Variants in SNTG1 observed in about 807,000 individuals in gnomAD.
The protein encoded by SNTG1 is syntrophin gamma 1, also known as gamma-1-syntrophin.
SNTG1 carries 39 observed loss-of-function variants against 74.7 expected under a neutral mutation model. The ratio of observed to expected loss-of-function variants is 0.52; its 90% CI spans 0.40 to 0.68. The LOEUF is 0.68. Ranked by LOEUF, SNTG1 falls within the 30% of genes least tolerant of loss-of-function variation. The pLI, the probability that SNTG1 is intolerant of heterozygous loss-of-function variation, is 0.00. For synonymous variants in SNTG1, 254 were observed against 217.1 expected (o/e 1.17, Z -1.49); for missense variants, 685 against 609.5 (o/e 1.12, Z -1.30).
chr8:50,366,957 A>T (rs1461572079), intron 2 of SNTG1, among the ~76,000 whole-genome samples: 2 of 148,368 alleles, frequency 1.3e-5, no homozygotes, highest in Non-Finnish European at 3.0e-5. Flanking sequence ...TACTATAAGG[A>T]CGCAAATAGT....
chr8:49,951,378 AT>A (rs1809682190), intron 1 of SNTG1, among the ~76,000 whole-genome samples: 1 of 152,244 alleles, frequency 6.6e-6, no homozygotes, highest in African/African-American at 2.4e-5. Context: ...GACAAATGAA[AT>A]TAGTCCATTT....
chr8:50,312,645 A>T (rs2130761894), intron 2 of SNTG1, among the ~76,000 whole-genome samples: 1 of 149,854 alleles, frequency 6.7e-6, no homozygotes. Flanking sequence ...AAAACAATGA[A>T]AATAGCATAA....
chr8:50,412,280 A>G (rs1429484518), intron 4 of SNTG1, among the ~76,000 whole-genome samples: 1 of 151,756 alleles, frequency 6.6e-6, no homozygotes. Flanking sequence ...TTTATTGACA[A>G]CTCTTTAATA....
chr8:50,050,163 G>A (rs950110420), intron 1 of SNTG1, among the ~76,000 whole-genome samples: 4 of 151,584 alleles, frequency 2.6e-5, no homozygotes, highest in African/African-American at 9.7e-5. Context: ...AGCAAAGGCT[G>A]GCTCTTTGAA....
At chr8:50,166,998 C>T (rs2082637474) in intron 1 of SNTG1, among the ~76,000 whole-genome samples, 1 of 143,186 alleles carries the variant, frequency 7.0e-6, no homozygotes, top group Admixed American at 6.8e-5. Flanking sequence ...TGGAAACCAT[C>T]ATTCTCAGTA....
At chr8:50,288,149 G>A (rs1326858783) in intron 2 of SNTG1, among the ~76,000 whole-genome samples, 1 of 152,108 alleles carries the variant, frequency 6.6e-6, no homozygotes, top group Non-Finnish European at 1.5e-5. Context: ...GGGGAGAATG[G>A]CATTGATTGA....
chr8:50,175,765 T>A (rs2082977765), intron 2 of SNTG1, among the ~76,000 whole-genome samples: 1 of 152,230 alleles, frequency 6.6e-6, no homozygotes, highest in African/African-American at 2.4e-5. Flanking sequence ...TCAAGCCACC[T>A]TCTTCTGACA....
intron 4 of SNTG1, among the ~76,000 whole-genome samples, chr8:50,409,185 C>T (rs1298948655): frequency 6.6e-6 from 1 of 152,174 alleles, no homozygotes. Context: ...TTTAGCACAT[C>T]TGACTCTAAT....
chr8:50,263,338 A>G (rs1399286590), intron 2 of SNTG1, among the ~76,000 whole-genome samples: 1 of 152,224 alleles, frequency 6.6e-6, no homozygotes, highest in East Asian at 1.9e-4. Context: ...ATGATAAGAC[A>G]TATAGAAAGA....
chr8:50,286,095 TC>T (rs1397504401), intron 2 of SNTG1, among the ~76,000 whole-genome samples: 2 of 151,374 alleles, frequency 1.3e-5, no homozygotes, highest in Non-Finnish European at 3.0e-5. Context: ...GTATAACTTC[TC>T]TTTTTCCTAT....
intron 12 of SNTG1, among the ~76,000 whole-genome samples, chr8:50,561,055 T>C (rs892097453): frequency 2.6e-5 from 4 of 152,184 alleles, no homozygotes; most frequent in Non-Finnish European, 4.4e-5. Flanking sequence ...CCAAATCTCA[T>C]CACAAATTGT....
At chr8:50,114,588 C>T (rs1296194988) in intron 1 of SNTG1, among the ~76,000 whole-genome samples, 5 of 152,058 alleles carry the variant, frequency 3.3e-5, no homozygotes, top group African/African-American at 7.2e-5. Flanking sequence ...TGAACAAAGC[C>T]GGGCGCAGTG....
chr8:50,224,838 C>T (rs949342182), intron 2 of SNTG1, among the ~76,000 whole-genome samples: 1 of 152,156 alleles, frequency 6.6e-6, no homozygotes, highest in African/African-American at 2.4e-5. Flanking sequence ...ATATATTGCC[C>T]TGATGTATTT....
intron 2 of SNTG1, among the ~76,000 whole-genome samples, chr8:50,302,590 T>C (rs1235749908): frequency 6.6e-6 from 1 of 152,174 alleles, no homozygotes; most frequent in Non-Finnish European, 1.5e-5. Flanking sequence ...AGTTTATTAA[T>C]GGATTTAATT....
rs184811562 is a variant in SNTG1, at chr8:50,534,655, C to T, written c.550-2023C>T. The stretch of plus-strand genomic sequence containing the variant: ...AATTAGTCAGGCCTGGTGGTGGGCA[C>T]CTGTAGTCTCAGCTACTTGGGAGGC... On this transcript the variant is annotated intron_variant, in intron 10 of 18. Coordinates refer to ENST00000642720, the MANE Select transcript of SNTG1 (RefSeq NM_018967.5). 1.4e-4 allele frequency among the ~76,000 whole-genome samples: 21 copies of T among 152,138 alleles called. No homozygotes were observed. The East Asian group carries it at 3.5e-3, about 25-fold the overall frequency.
At chr8:50,147,083 C>T (rs990852715) in intron 1 of SNTG1, among the ~76,000 whole-genome samples, 4 of 151,854 alleles carry the variant, frequency 2.6e-5, no homozygotes, top group Non-Finnish European at 4.4e-5. Context: ...AAACCAAAGG[C>T]AGGAGTGTTT....
intron 2 of SNTG1, among the ~76,000 whole-genome samples, chr8:50,204,159 C>T (rs2084102822): frequency 6.6e-6 from 1 of 152,114 alleles, no homozygotes; most frequent in Admixed American, 6.6e-5. Flanking sequence ...AAGAGACTAG[C>T]CATCTACCTT....
chr8:50,005,955 C>CTTTTTTT (rs57041850), intron 1 of SNTG1, among the ~76,000 whole-genome samples: 6 of 89,398 alleles, frequency 6.7e-5, no homozygotes, highest in Non-Finnish European at 1.2e-4. Context: ...ATTACTTGCA[C>CTTTTTTT]TTTTTTTTTT....
At chr8:50,157,306 G>A (rs1177045118) in intron 1 of SNTG1, among the ~76,000 whole-genome samples, 2 of 152,056 alleles carry the variant, frequency 1.3e-5, no homozygotes, top group African/African-American at 4.8e-5. Context: ...CTATAGAAAT[G>A]TTCTGTATCT....
Sources: gnomAD v4.1 joint callset for allele counts (sites outside exome capture counted in the v4.1 genomes callset) on GRCh38, gnomAD v4.1.1 for gene constraint, MANE v1.5 for transcripts, NCBI Gene and HGNC (gene_info 2026-07-23, HGNC 2026-07-21) for gene names.